Variants in SLC26A5 observed in about 807,000 individuals in gnomAD.
The protein encoded by SLC26A5 is prestin.
In SLC26A5, 51 loss-of-function variants were observed where a neutral mutation model predicts 81.0. That is an observed-to-expected ratio of 0.63 (90% CI 0.50 to 0.80). The LOEUF is 0.80. SLC26A5 is among the 30% of genes least tolerant of loss of function. The pLI is 0.00. For missense variants in SLC26A5, 771 were observed against 905.8 expected (o/e 0.85, Z 1.91); for synonymous variants, 325 against 332.8 (o/e 0.98, Z 0.25).
At chr7:103,415,207 C>T (rs540203926) in intron 4 of SLC26A5, among the ~76,000 whole-genome samples, 40 of 152,172 alleles carry the variant, frequency 2.6e-4, no homozygotes, top group African/African-American at 9.6e-4. Flanking sequence ...CATGGTCACT[C>T]GAATGTTGTT....
At position 103,421,520 on chromosome 7, in the gene SLC26A5, T is replaced by C. The variant is rs780966026; in HGVS notation, c.-6A>G. 1 of 1,613,908 alleles carries C rather than the reference T, an allele frequency of 6.2e-7. No individual in the cohort carries two copies. The highest frequency in any genetic ancestry group is 8.5e-7 in the Non-Finnish European group (1 of 1,179,860). ...TTTTCTTCAGCATGATCCATAGTACTCTGAAATTATTCCTTAACAGCCGGA... is the reference window on the plus strand; with the variant it reads ...TTTTCTTCAGCATGATCCATAGTACCCTGAAATTATTCCTTAACAGCCGGA... On this transcript the variant is annotated 5_prime_UTR_variant, in exon 3 of 20. Coordinates refer to ENST00000306312, the MANE Select transcript of SLC26A5 (RefSeq NM_198999.3).
At chr7:103,360,401 A>C (rs1049519213) in intron 19 of SLC26A5, among the ~76,000 whole-genome samples, 1 of 151,930 alleles carries the variant, frequency 6.6e-6, no homozygotes, top group African/African-American at 2.4e-5. Flanking sequence ...CTTCTTCCCT[A>C]GCAAACATGG....
downstream of SLC26A5, chr7:103,369,540 C>T (rs1240686256): frequency 1.3e-5 from 2 of 152,164 alleles, no homozygotes; most frequent in African/African-American, 2.4e-5. Context: ...AAAATCTAAT[C>T]GGCCACACAT....
At chr7:103,363,031 T>C (rs978725247) in intron 19 of SLC26A5, among the ~76,000 whole-genome samples, 1 of 152,002 alleles carries the variant, frequency 6.6e-6, no homozygotes, top group Non-Finnish European at 1.5e-5. Context: ...TGACCTCAAG[T>C]GTTTGGCCTG....
At chr7:103,415,606 A>G (rs1824841908) in intron 4 of SLC26A5, among the ~76,000 whole-genome samples, 1 of 152,178 alleles carries the variant, frequency 6.6e-6, no homozygotes. Flanking sequence ...CAGGTTGAGA[A>G]AACTCGTTCT....
intron 19 of SLC26A5, among the ~76,000 whole-genome samples, chr7:103,359,687 C>T (rs1045191864): frequency 1.3e-5 from 2 of 152,208 alleles, no homozygotes; most frequent in Non-Finnish European, 2.9e-5. Context: ...ATTTCTCTAT[C>T]TGTATTCACT....
At chr7:103,377,825 G>T (rs1378416839) in intron 17 of SLC26A5, 26 bp from the exon 18 acceptor site, 31 of 1,602,136 alleles carry the variant, frequency 1.9e-5, no homozygotes, top group Admixed American at 1.3e-4. Flanking sequence ...AACCAAACCA[G>T]AATTTTATGA....
intron 2 of SLC26A5, among the ~76,000 whole-genome samples, chr7:103,436,273 C>A (rs984633696): frequency 6.6e-6 from 1 of 151,986 alleles, no homozygotes; most frequent in Non-Finnish European, 1.5e-5. Context: ...GCATTTGAGA[C>A]GAAAGCGCAA....
intron 14 of SLC26A5, among the ~76,000 whole-genome samples, chr7:103,381,777 A>C (rs62640534): frequency 0.13 from 19,688 of 150,490 alleles, 1,391 homozygotes; most frequent in South Asian, 0.17. Flanking sequence ...ACACACACAC[A>C]CCCATATACA....
chr7:103,363,855 T>A (rs182294674), intron 19 of SLC26A5, among the ~76,000 whole-genome samples: 6 of 152,320 alleles, frequency 3.9e-5, no homozygotes, highest in African/African-American at 1.4e-4. Flanking sequence ...CACCATAATT[T>A]TTTTTAAATT....
At chr7:103,368,204 A>ATGTT in intron 19 of SLC26A5, 1 of 734,714 alleles carries the variant, frequency 1.4e-6, no homozygotes, top group Non-Finnish European at 2.1e-6. Context: ...GTGATTTCTA[A>ATGTT]TGTTATTAGG....
chr7:103,429,572 T>C (rs1335545708), intron 2 of SLC26A5, among the ~76,000 whole-genome samples: 1 of 152,240 alleles, frequency 6.6e-6, no homozygotes, highest in Non-Finnish European at 1.5e-5. Flanking sequence ...TGAAAAGCTG[T>C]TTTCTATTCT....
At chr7:103,394,095 T>C (rs999018637) in intron 9 of SLC26A5, among the ~76,000 whole-genome samples, 1 of 152,128 alleles carries the variant, frequency 6.6e-6, no homozygotes, top group African/African-American at 2.4e-5. Flanking sequence ...AACAAAACCA[T>C]AAAGAACCTG....
chr7:103,432,302 T>C (rs1213107327), intron 2 of SLC26A5, among the ~76,000 whole-genome samples: 1 of 152,228 alleles, frequency 6.6e-6, no homozygotes, highest in East Asian at 1.9e-4. Flanking sequence ...ATAAAACCAA[T>C]ATATACTGAT....
intron 9 of SLC26A5, among the ~76,000 whole-genome samples, chr7:103,396,242 G>A (rs1823100657): frequency 6.6e-6 from 1 of 152,194 alleles, no homozygotes; most frequent in African/African-American, 2.4e-5. Flanking sequence ...GGGTGGGACT[G>A]TAAAATGGCA....
At chr7:103,357,211 A>T (rs1820085187) in intron 19 of SLC26A5, among the ~76,000 whole-genome samples, 1 of 151,902 alleles carries the variant, frequency 6.6e-6, no homozygotes, top group African/African-American at 2.4e-5. Context: ...TTGTAATCCC[A>T]GCTACTGGAG....
chr7:103,435,124 A>G (rs775836733), intron 2 of SLC26A5: 14 of 152,122 alleles, frequency 9.2e-5, no homozygotes, highest in Non-Finnish European at 1.5e-5. Flanking sequence ...CTAGTAAATT[A>G]TTTTTATTTT....
At chr7:103,415,740 T>G (rs757206298) in intron 4 of SLC26A5, among the ~76,000 whole-genome samples, 3 of 152,232 alleles carry the variant, frequency 2.0e-5, no homozygotes, top group African/African-American at 4.8e-5. Context: ...GATCCTCTAT[T>G]TATCCCTGGT....
intron 11 of SLC26A5, among the ~76,000 whole-genome samples, 169 bp from the exon 12 acceptor site, chr7:103,390,675 C>A (rs778541987): frequency 1.3e-5 from 2 of 152,158 alleles, no homozygotes; most frequent in Non-Finnish European, 2.9e-5. Flanking sequence ...CACTCCCTCT[C>A]TGAAGTTTTG....
Sources: gnomAD v4.1 joint callset for allele counts (sites outside exome capture counted in the v4.1 genomes callset) on GRCh38, gnomAD v4.1.1 for gene constraint, MANE v1.5 for transcripts, NCBI Gene and HGNC (gene_info 2026-07-23, HGNC 2026-07-21) for gene names.